CDK14: variants seen among roughly 807,000 people sequenced by gnomAD.
CDK14 encodes cyclin dependent kinase 14, also known as cyclin-dependent kinase 14.
In CDK14, 34 loss-of-function variants were observed where a neutral mutation model predicts 60.7. The ratio of observed to expected loss-of-function variants is 0.56; its 90% CI spans 0.43 to 0.75. The LOEUF is 0.75. CDK14 is among the 30% of genes least tolerant of loss of function. The pLI is 0.00. For synonymous variants in CDK14, 197 were observed against 203.7 expected, an observed-to-expected ratio of 0.97 and a Z score of 0.28; for missense variants, 482 against 564.1, an observed-to-expected ratio of 0.85 and a Z score of 1.47.
At chr7:91,005,368 C>G (rs1019297488) in intron 10 of CDK14, among the ~76,000 whole-genome samples, 1 of 152,216 alleles carries the variant, frequency 6.6e-6, no homozygotes, top group Non-Finnish European at 1.5e-5. Context: ...ACGGACAAAA[C>G]TTAGCATCTT....
intron 2 of CDK14, among the ~76,000 whole-genome samples, chr7:90,700,328 G>A (rs1291453450): frequency 2.0e-5 from 3 of 152,044 alleles, no homozygotes; most frequent in South Asian, 2.1e-4. Context: ...TCTTGACCTC[G>A]CAGTCCGGCC....
chr7:90,958,989 A>T (rs1465283274), intron 9 of CDK14, among the ~76,000 whole-genome samples: 4 of 152,136 alleles, frequency 2.6e-5, no homozygotes, highest in Admixed American at 2.6e-4. Context: ...TCTGAGGTGT[A>T]GCTCAGTATT....
intron 4 of CDK14, among the ~76,000 whole-genome samples, chr7:90,786,506 A>G (rs1805588311): frequency 6.6e-6 from 1 of 152,238 alleles, no homozygotes; most frequent in African/African-American, 2.4e-5. Flanking sequence ...AGATAATTAG[A>G]AGACACAATG....
intron 4 of CDK14, among the ~76,000 whole-genome samples, chr7:90,760,169 A>G (rs974913661): frequency 2.0e-5 from 3 of 152,220 alleles, no homozygotes; most frequent in Admixed American, 6.5e-5. Flanking sequence ...TATACTAAAT[A>G]CAGTTCAAAG....
intron 10 of CDK14, among the ~76,000 whole-genome samples, chr7:91,038,816 T>A (rs559583902): frequency 6.6e-6 from 1 of 152,266 alleles, no homozygotes; most frequent in Admixed American, 6.5e-5. Context: ...AATGGGAGTT[T>A]CCCTACACAA....
chr7:90,795,365 G>A (rs1380366630), intron 5 of CDK14, among the ~76,000 whole-genome samples: 1 of 151,726 alleles, frequency 6.6e-6, no homozygotes, highest in Non-Finnish European at 1.5e-5. Context: ...TCTTCAGTGT[G>A]TTCCGGTATA....
Position 90,999,219 on chromosome 7 carries a change from GC to G in CDK14, c.1041+14980del, listed in dbSNP as rs537270109. ...CATTAAAACTGTAGCAGGAGGTGGT[GC>G]CAAAATAAGCAAATGCCAGGCTATG... On this transcript the variant is annotated intron_variant, in intron 10 of 14. Transcript: ENST00000380050. 3.0e-3 allele frequency among the ~76,000 whole-genome samples: 451 copies of G among 152,222 alleles called. 2 individuals carry two copies. The highest frequency in any genetic ancestry group is 0.01 in the African/African-American group (430 of 41,534).
intron 14 of CDK14, among the ~76,000 whole-genome samples, chr7:91,152,296 T>G (rs1800849464): frequency 6.6e-6 from 1 of 152,220 alleles, no homozygotes; most frequent in African/African-American, 2.4e-5. Flanking sequence ...TTCACTTATT[T>G]CATTACTAAA....
At chr7:91,056,403 GA>G (rs1200389656) in intron 11 of CDK14, among the ~76,000 whole-genome samples, 1 of 150,516 alleles carries the variant, frequency 6.6e-6, no homozygotes, top group Non-Finnish European at 1.5e-5. Flanking sequence ...TTCAGCATGT[GA>G]AAATTCTTTT....
At position 91,210,489 on chromosome 7, in the gene CDK14, A is replaced by C. The variant is rs901695379; in HGVS notation, c.*3353A>C. The C allele has an allele frequency of 6.6e-6, 1 of 152,376 alleles. No homozygotes were observed. The highest frequency in any genetic ancestry group is 6.5e-5 in the Admixed American group (1 of 15,280). 9.4% of individuals were successfully genotyped at this position (152,376 alleles called of 1,614,324 possible). A position where few individuals can be genotyped will look rare whatever the true frequency, so the allele number is the denominator to read the frequency against. On this transcript the variant is annotated 3_prime_UTR_variant, in exon 15 of 15. Transcript: ENST00000380050. ...TAATACATGTTGCATATTTGTTACC[A>C]GTTGTAATTTGTCTGTATTATGAAA...
chr7:90,820,636 A>G (rs1265779365), intron 5 of CDK14, among the ~76,000 whole-genome samples: 1 of 152,148 alleles, frequency 6.6e-6, no homozygotes, highest in Non-Finnish European at 1.5e-5. Context: ...TAAATTACCC[A>G]GTCTCAGGTA....
intron 9 of CDK14, among the ~76,000 whole-genome samples, chr7:90,976,074 C>T (rs1795063823): frequency 6.6e-6 from 1 of 152,148 alleles, no homozygotes; most frequent in Admixed American, 6.6e-5. Flanking sequence ...ATGGCTAGCT[C>T]ATATGGTAGT....
intron 7 of CDK14, among the ~76,000 whole-genome samples, chr7:90,906,035 G>A (rs1006584461): frequency 2.6e-5 from 4 of 152,082 alleles, no homozygotes; most frequent in Admixed American, 6.6e-5. Context: ...TGAACTGCAG[G>A]TGAAATTATT....
intron 4 of CDK14, among the ~76,000 whole-genome samples, chr7:90,765,728 G>A (rs78486985): frequency 0.06 from 9,129 of 152,044 alleles, 343 homozygotes; most frequent in East Asian, 0.14. Context: ...TTTTAGCAGT[G>A]AGGCAGGGAA....
At chr7:91,006,909 A>G (rs1424245796) in intron 10 of CDK14, among the ~76,000 whole-genome samples, 1 of 152,162 alleles carries the variant, frequency 6.6e-6, no homozygotes, top group African/African-American at 2.4e-5. Context: ...TGGCTGTTAC[A>G]TATTTATCCC....
intron 5 of CDK14, among the ~76,000 whole-genome samples, chr7:90,797,190 C>T (rs1028406639): frequency 1.3e-5 from 2 of 151,630 alleles, no homozygotes; most frequent in African/African-American, 4.9e-5. Context: ...TAATGTCTTG[C>T]AGTCTTGGAA....
At chr7:91,185,197 C>T (rs1802132370) in intron 14 of CDK14, among the ~76,000 whole-genome samples, 1 of 149,968 alleles carries the variant, frequency 6.7e-6, no homozygotes, top group South Asian at 2.2e-4. Flanking sequence ...AGAGAGTAAA[C>T]AATGATATAG....
chr7:90,667,633 G>T (rs1001308741), intron 2 of CDK14, among the ~76,000 whole-genome samples: 7 of 151,368 alleles, frequency 4.6e-5, no homozygotes, highest in African/African-American at 1.7e-4. Flanking sequence ...ACAGTGGCGC[G>T]GTCTCTGCTC....
chr7:91,051,679 C>G (rs753366726), intron 11 of CDK14, among the ~76,000 whole-genome samples: 2 of 152,182 alleles, frequency 1.3e-5, no homozygotes, highest in Non-Finnish European at 2.9e-5. Context: ...TGAGAGTCCA[C>G]TGTAAAAATA....
Sources: allele counts gnomAD v4.1 joint callset (sites outside exome capture counted in the v4.1 genomes callset), GRCh38; gene constraint gnomAD v4.1.1; transcripts MANE v1.5; gene names NCBI Gene and HGNC (gene_info 2026-07-23, HGNC 2026-07-21).